Variants in ANKRD11 observed in about 807,000 individuals in gnomAD.
ANKRD11 encodes ankyrin repeat domain-containing protein 11.
In ANKRD11, 17 loss-of-function variants were observed where a neutral mutation model predicts 195.7. That is an observed-to-expected ratio of 0.09 (90% CI 0.06 to 0.13). The LOEUF is 0.13. Ranked by LOEUF, ANKRD11 falls within the 10% of genes least tolerant of loss-of-function variation. The probability of loss-of-function intolerance (pLI) is 1.00; values close to 1 mark genes in which losing one functional copy is unlikely to be tolerated. For missense variants in ANKRD11, 3,735 were observed against 3,566.1 expected (o/e 1.05, Z -1.21); for synonymous variants, 1,953 against 1,528.1 (o/e 1.28, Z -6.49).
intron 2 of ANKRD11, among the ~76,000 whole-genome samples, chr16:89,352,544 C>T (rs557233799): frequency 1.3e-5 from 2 of 152,320 alleles, no homozygotes; most frequent in Middle Eastern, 3.4e-3. Context: ...GCCCTGCCCC[C>T]AAGAGTGAGG....
intron 1 of ANKRD11, among the ~76,000 whole-genome samples, chr16:89,486,470 C>T (rs949207958): frequency 6.7e-6 from 1 of 149,170 alleles, no homozygotes; most frequent in Non-Finnish European, 1.5e-5. Context: ...AAAAGACTTA[C>T]TAAAGGAAGT....
chr16:89,324,156 T>C lies in ANKRD11; in HGVS notation c.-59-7078A>G. On this transcript the variant is annotated intron_variant, in intron 2 of 12. Coordinates refer to ENST00000301030, the MANE Select transcript of ANKRD11 (RefSeq NM_013275.6). ...CTCTCTACTGCAGCCCTGTTTCCAC[T>C]CACATTTTCTGTTATCACGGCGGGG... 3 of 1,056,488 alleles carry C rather than the reference T, an allele frequency of 2.8e-6. No individual in the cohort carries two copies. The South Asian group carries it at 5.0e-5, about 17-fold the overall frequency. The allele number at this position is 1,056,488 out of a possible 1,614,324, so 65.4% of individuals were successfully genotyped here.
intron 6 of ANKRD11, 80 bp downstream of exon 6, chr16:89,290,545 G>T (rs2034993129): frequency 1.3e-6 from 2 of 1,481,780 alleles, no homozygotes; most frequent in African/African-American, 1.4e-5. Context: ...GCTCCAATGG[G>T]GGGAGGCTCA....
At chr16:89,298,600 G>A (rs913969199) in intron 4 of ANKRD11, among the ~76,000 whole-genome samples, 2 of 152,206 alleles carry the variant, frequency 1.3e-5, no homozygotes, top group African/African-American at 4.8e-5. Context: ...CTGAGTCCCG[G>A]GGTCCTCCAT....
chr16:89,317,413 C>T (rs2037030157), intron 2 of ANKRD11, among the ~76,000 whole-genome samples: 1 of 152,218 alleles, frequency 6.6e-6, no homozygotes, highest in Admixed American at 6.5e-5. Flanking sequence ...GTACAGGCTA[C>T]ACCCAAAACG....
intron 6 of ANKRD11, among the ~76,000 whole-genome samples, chr16:89,289,809 G>A (rs2034904232): frequency 6.6e-6 from 1 of 152,236 alleles, no homozygotes; most frequent in African/African-American, 2.4e-5. Context: ...GGGAAGCCAA[G>A]GCGTGAGGAC....
At position 89,282,191 on chromosome 16, in the gene ANKRD11, T is replaced by G. The variant is rs778348234; in HGVS notation, c.4351A>C (p.Ser1451Arg). 1.1e-5 allele frequency: 18 copies of G among 1,614,062 alleles called. No homozygotes were observed. The Admixed American group carries it at 2.7e-4, about 24-fold the overall frequency. Residue 1451 changes from serine to arginine, a missense_variant, in exon 9 of 13, where the codon AGT becomes CGT. Physicochemically the swap from Ser to Arg is moderately radical, Grantham distance 110 (BLOSUM62 -1). Coordinates refer to ENST00000301030, the MANE Select transcript of ANKRD11 (RefSeq NM_013275.6). ...TTCTCTTTTAGGATGTTGATGGCAC[T>G]AGATCCATAAGGCTTTAGTTCCTTT... ...IEKELKPYGS[S>R]AINILKEKKK...
At position 89,288,719 on chromosome 16, in the gene ANKRD11, C is replaced by T. The variant is rs771266674; in HGVS notation, c.602-49G>A. On this transcript the variant is annotated intron_variant, in intron 6 of 12. Coordinates refer to ENST00000301030, the MANE Select transcript of ANKRD11 (RefSeq NM_013275.6). ...ACGTTATTTAATCCTCAGAACTTCCCTCCTGTCTCTGGAGGCAGCGCCCTG... is the reference window on the plus strand; with the variant it reads ...ACGTTATTTAATCCTCAGAACTTCCTTCCTGTCTCTGGAGGCAGCGCCCTG... 1.9e-6 allele frequency: 3 copies of T among 1,613,146 alleles called. No individual in the cohort carries two copies. The African/African-American group carries it at 4.0e-5, about 22-fold the overall frequency.
chr16:89,466,574 T>C (rs1467825710), intron 1 of ANKRD11, among the ~76,000 whole-genome samples: 1 of 151,932 alleles, frequency 6.6e-6, no homozygotes, highest in Non-Finnish European at 1.5e-5. Context: ...ACAAAATCAC[T>C]AGGCAAAGAA....
chr16:89,275,055 T>C (rs767469593), intron 10 of ANKRD11, 38 bp downstream of exon 10: 12 of 1,612,400 alleles, frequency 7.4e-6, no homozygotes, highest in South Asian at 1.1e-5. Flanking sequence ...TGAAAAGCCC[T>C]GGCCGTGGCG....
intron 1 of ANKRD11, among the ~76,000 whole-genome samples, chr16:89,481,991 T>C (rs1312570746): frequency 6.6e-6 from 1 of 152,086 alleles, no homozygotes; most frequent in Non-Finnish European, 1.5e-5. Context: ...CTCTGATCTA[T>C]GATCTCTCTT....
At chr16:89,367,789 G>A (rs1467057927) in intron 2 of ANKRD11, among the ~76,000 whole-genome samples, 3 of 152,120 alleles carry the variant, frequency 2.0e-5, no homozygotes, top group Non-Finnish European at 2.9e-5. Flanking sequence ...TGCAAACTAT[G>A]ACTTGTTCAA....
At chr16:89,299,462 C>T (rs555602855) in intron 4 of ANKRD11, 5 of 160,384 alleles carry the variant, frequency 3.1e-5, no homozygotes, top group African/African-American at 1.5e-4. Flanking sequence ...GTGTGAGGTG[C>T]CTGCCCTGTG....
chr16:89,446,302 A>G (rs1036932219), intron 1 of ANKRD11, among the ~76,000 whole-genome samples: 1 of 152,052 alleles, frequency 6.6e-6, no homozygotes, highest in Non-Finnish European at 1.5e-5. Context: ...AGCTGCATCT[A>G]AACAGTTTAA....
rs1001845219 is a variant in ANKRD11 at position 89,301,025 on chromosome 16, G to C, written c.226+4181C>G. Reference sequence around the variant, plus strand: ...AGGCGCAGGAGAAACAGCGGGGCAGGAGGCTCCCCAGAACCCCAGGGAGGC... The same window carrying C: ...AGGCGCAGGAGAAACAGCGGGGCAGCAGGCTCCCCAGAACCCCAGGGAGGC... On this transcript the variant is annotated intron_variant, in intron 4 of 12. Transcript: ENST00000301030. 20 of 597,598 alleles carry C rather than the reference G, an allele frequency of 3.3e-5. No homozygotes were observed. In the East Asian group the frequency reaches 5.7e-4, roughly 17 times the overall value. 37.0% of individuals were successfully genotyped at this position (597,598 alleles called of 1,614,324 possible).
chr16:89,442,886 G>A (rs1433538108), intron 1 of ANKRD11, among the ~76,000 whole-genome samples: 1 of 152,222 alleles, frequency 6.6e-6, no homozygotes, highest in Non-Finnish European at 1.5e-5. Flanking sequence ...CCCTGACACT[G>A]TCACTCAACA....
chr16:89,361,705 C>T (rs574699339), intron 2 of ANKRD11: 2 of 152,180 alleles, frequency 1.3e-5, no homozygotes, highest in Non-Finnish European at 2.9e-5. Context: ...AGTAGAAGAT[C>T]ACCACCCAGA....
chr16:89,354,062 G>A lies in ANKRD11; in HGVS notation c.-59-36984C>T, dbSNP rs369332821. The stretch of plus-strand genomic sequence containing the variant: ...GCACCCAGCCCTGCAGGGCTCTCGG[G>A]AGCTGCCCGCCCAACAGTCCCATGC... On this transcript the variant is annotated intron_variant, in intron 2 of 12. Transcript: ENST00000301030. Among the ~76,000 whole-genome samples, 20 of 152,096 alleles carry A rather than the reference G, an allele frequency of 1.3e-4. 1 individual carries two copies. The highest frequency in any genetic ancestry group is 4.6e-4 in the African/African-American group (19 of 41,426).
rs1275594686 is a variant in ANKRD11 at position 89,281,201 on chromosome 16, T to C, written c.5341A>G (p.Arg1781Gly). ...LSENASQAPARPLSTNLYRSV... is the reference protein window; with the variant it reads ...LSENASQAPAGPLSTNLYRSV... Reference sequence around the variant, plus strand: ...CGGTAAAGGTTTGTGGAGAGAGGCCTGGCAGGAGCCTGGCTGGCGTTTTCC... The same window carrying C: ...CGGTAAAGGTTTGTGGAGAGAGGCCCGGCAGGAGCCTGGCTGGCGTTTTCC... The change falls in exon 9 of 13, where the codon AGG becomes GGG. Residue 1781 changes from arginine (R) to glycine (G), a missense_variant. Transcript: ENST00000301030. This position sits in a 1 kb window ranked among gnomAD's most constrained non-coding sequence, Gnocchi z 5.5. 2 of 1,614,140 alleles carry C rather than the reference T, an allele frequency of 1.2e-6. No homozygotes were observed. Among genetic ancestry groups the C allele is most frequent in the Non-Finnish European group, 1.7e-6 (2 of 1,180,022 alleles).
Sources: allele counts gnomAD v4.1 joint callset (sites outside exome capture counted in the v4.1 genomes callset), GRCh38; gene constraint gnomAD v4.1.1; non-coding constraint Gnocchi (gnomAD v3.1); transcripts MANE v1.5; gene names NCBI Gene and HGNC (gene_info 2026-07-23, HGNC 2026-07-21).